USP34: variants seen among roughly 807,000 people sequenced by gnomAD.
USP34 encodes ubiquitin carboxyl-terminal hydrolase 34.
In USP34, 70 loss-of-function variants were observed where a neutral mutation model predicts 460.3. The observed-to-expected ratio is 0.15, with a 90% CI of 0.13 to 0.19. The LOEUF is 0.19. USP34 is among the 10% of genes least tolerant of loss of function. The pLI, the probability that USP34 is intolerant of heterozygous loss-of-function variation, is 1.00. For synonymous variants in USP34, 1,647 were observed against 1,405.3 expected (o/e 1.17, Z -3.85); for missense variants, 3,985 against 4,236.2 (o/e 0.94, Z 1.65).
intron 1 of USP34, among the ~76,000 whole-genome samples, chr2:61,458,009 A>G (rs1188554663): frequency 6.6e-6 from 1 of 152,160 alleles, no homozygotes; most frequent in African/African-American, 2.4e-5. Flanking sequence ...ATCAACCCAC[A>G]GTGATCTTAC....
chr2:61,224,922 T>C (rs1687685013), intron 62 of USP34, among the ~76,000 whole-genome samples: 1 of 152,136 alleles, frequency 6.6e-6, no homozygotes, highest in African/African-American at 2.4e-5. Context: ...GACAAGACAT[T>C]CCAAACTTCT....
chr2:61,278,764 C>T (rs1470431889), intron 39 of USP34, among the ~76,000 whole-genome samples: 2 of 146,288 alleles, frequency 1.4e-5, no homozygotes, highest in Non-Finnish European at 3.0e-5. Flanking sequence ...GCACATGTAC[C>T]CTAAAACTTA....
Position 61,246,457 on chromosome 2 carries a change from G to T in USP34, c.6415C>A (p.His2139Asn), listed in dbSNP as rs1405962094. ...RKEGFKEVSD[H>N]SKDSESYEYD... ...TCATAGCTCTCTGAGTCTTTTGAAT[G>T]ATCACTGACTTCTTTAAAACCTGAA... The change falls in exon 50 of 80, where the codon CAT (histidine) becomes AAT (asparagine). Residue 2139 changes from histidine to asparagine, a missense_variant. This residue lies in a region of USP34 where 70 missense variants were observed against 78.1 expected (regional missense o/e 0.90). Transcript: ENST00000398571. The T allele has an allele frequency of 3.8e-6, 6 of 1,581,410 alleles. No individual in the cohort carries two copies. The highest frequency in any genetic ancestry group is 5.2e-6 in the Non-Finnish European group (6 of 1,163,960).
intron 28 of USP34, 32 bp downstream of exon 28, chr2:61,301,322 A>G: frequency 6.2e-7 from 1 of 1,603,346 alleles, no homozygotes; most frequent in Non-Finnish European, 8.5e-7. Flanking sequence ...TAAACAGATC[A>G]TTAAAACTCA....
intron 8 of USP34, among the ~76,000 whole-genome samples, chr2:61,375,628 A>G (rs1375778657): frequency 6.6e-6 from 1 of 151,696 alleles, no homozygotes. Context: ...AATTAGCCGG[A>G]AGTGGTGGCG....
chr2:61,255,216 A>G lies in USP34; in HGVS notation c.6221+1168T>C, dbSNP rs1347910533. On this transcript the variant is annotated intron_variant, in intron 48 of 79. Transcript: ENST00000398571. ...AGCTGAGGAAGAATATTTTTGATCA[A>G]TGTACCAAAATATACACATCCAAAG... Among the ~76,000 whole-genome samples the G allele has an allele frequency of 2.0e-5, 3 of 152,356 alleles. No homozygotes were observed. In the South Asian group the frequency reaches 6.2e-4, roughly 32 times the overall value.
At chr2:61,386,591 C>T (rs1353169187) in intron 5 of USP34, among the ~76,000 whole-genome samples, 1 of 151,898 alleles carries the variant, frequency 6.6e-6, no homozygotes, top group Non-Finnish European at 1.5e-5. Context: ...GAGATCGAGA[C>T]CATCCTGGCC....
chr2:61,390,088 T>C (rs1168242444), intron 5 of USP34, among the ~76,000 whole-genome samples: 4 of 152,198 alleles, frequency 2.6e-5, no homozygotes, highest in African/African-American at 9.6e-5. Context: ...CATTCAGAAA[T>C]TGCTATTGTG....
At chr2:61,407,154 G>A (rs1693897840) in intron 2 of USP34, among the ~76,000 whole-genome samples, 1 of 152,232 alleles carries the variant, frequency 6.6e-6, no homozygotes, top group South Asian at 2.1e-4. Context: ...GGGAGACCAA[G>A]GTGGGAGGAT....
intron 1 of USP34, among the ~76,000 whole-genome samples, chr2:61,451,539 G>A (rs779290245): frequency 5.3e-5 from 8 of 151,926 alleles, no homozygotes; most frequent in East Asian, 3.9e-4. Flanking sequence ...AAACTTAACC[G>A]GGCATGGTGG....
intron 14 of USP34, 112 bp from the exon 15 acceptor site, chr2:61,348,592 T>C (rs1401892490): frequency 2.1e-6 from 3 of 1,454,246 alleles, no homozygotes; most frequent in Non-Finnish European, 2.7e-6. Flanking sequence ...GTTATACTCC[T>C]TTGAACAATA....
At chr2:61,268,885 C>CA (rs1160936526) in intron 41 of USP34, among the ~76,000 whole-genome samples, 4 of 152,230 alleles carry the variant, frequency 2.6e-5, no homozygotes, top group South Asian at 2.1e-4. Context: ...TTAAATGTTT[C>CA]ATACTAGTTT....
chr2:61,348,508 TA>T, intron 14 of USP34, 28 bp from the exon 15 acceptor site: 1 of 1,587,472 alleles, frequency 6.3e-7, no homozygotes, highest in Non-Finnish European at 8.5e-7. Flanking sequence ...TAGATTTAAA[TA>T]AATATTTAAA....
At chr2:61,199,219 T>C (rs1383073085) in intron 75 of USP34, among the ~76,000 whole-genome samples, 1 of 152,162 alleles carries the variant, frequency 6.6e-6, no homozygotes, top group Admixed American at 6.6e-5. Flanking sequence ...TGTGATGTTA[T>C]GTTTTCCTTT....
In USP34 at chr2:61,432,194, T is replaced by A. The variant is rs533685039; in HGVS notation, c.44-11361A>T. 6.1e-3 allele frequency among the ~76,000 whole-genome samples: 881 copies of A among 145,256 alleles called. 5 individuals are homozygous for A. The highest frequency in any genetic ancestry group is 0.021 in the African/African-American group (844 of 39,442). ...CCGTTTTTCAATTAAAAAAAAAAAATGGAATGTAGTGACATTTTCCTGTAA... is the reference window on the plus strand; with the variant it reads ...CCGTTTTTCAATTAAAAAAAAAAAAAGGAATGTAGTGACATTTTCCTGTAA... On this transcript the variant is annotated intron_variant, in intron 1 of 79. Transcript: ENST00000398571.
intron 1 of USP34, among the ~76,000 whole-genome samples, chr2:61,467,763 G>C (rs947076567): frequency 6.6e-6 from 1 of 151,458 alleles, no homozygotes; most frequent in South Asian, 2.1e-4. Flanking sequence ...TGGGACTACA[G>C]ATGCCTACAC....
At chr2:61,265,793 G>T (rs980172509) in intron 42 of USP34, 191 bp downstream of exon 42, 3 of 698,654 alleles carry the variant, frequency 4.3e-6, no homozygotes, top group East Asian at 3.3e-5. Flanking sequence ...AGAAAAAGCC[G>T]AAGTATTTAA....
At chr2:61,343,728 C>T in intron 16 of USP34, 87 bp downstream of exon 16, 1 of 1,395,326 alleles carries the variant, frequency 7.2e-7, no homozygotes, top group Non-Finnish European at 9.9e-7. Flanking sequence ...GTACCATAAC[C>T]TTAACTATTG....
rs1478732273 is a variant in USP34 at position 61,241,776 on chromosome 2, G to C, written c.6671C>G (p.Ser2224Cys). 2.0e-6 allele frequency: 3 copies of C among 1,535,258 alleles called. No individual in the cohort carries two copies. In the South Asian group the frequency reaches 3.7e-5, roughly 19 times the overall value. ...GAAAAAAATGGTTACCTTTTCAAAA[G>C]AGAAGTCCATAAATTTATCTGTAAC... Reference protein sequence around the residue: ...DSVTDKFMDFSFEKTHSAYML... With the variant: ...DSVTDKFMDFCFEKTHSAYML... Residue 2224 changes from serine (S) to cysteine (C), a missense_variant, in exon 52 of 80, where the codon TCT becomes TGT. This residue lies in a region of USP34 where 604 missense variants were observed against 684.8 expected (regional missense o/e 0.88). Transcript: ENST00000398571.
Sources: allele counts gnomAD v4.1 joint callset (sites outside exome capture counted in the v4.1 genomes callset), GRCh38; gene constraint gnomAD v4.1.1; regional missense constraint gnomAD v4.1.1; transcripts MANE v1.5; gene names NCBI Gene and HGNC (gene_info 2026-07-23, HGNC 2026-07-21).